RABL2A: variants seen among roughly 807,000 people sequenced by gnomAD.
The protein encoded by RABL2A is rab-like protein 2A.
RABL2A carries 17 observed loss-of-function variants against 30.7 expected under a neutral mutation model. That is an observed-to-expected ratio of 0.55 (90% CI 0.38 to 0.83). The LOEUF (loss-of-function observed/expected upper bound fraction) is 0.83, where lower values mean the gene tolerates loss of function less well. Ranked by LOEUF, RABL2A falls within the 40% of genes least tolerant of loss-of-function variation. The probability of loss-of-function intolerance (pLI) is 0.00; values close to 1 mark genes in which losing one functional copy is unlikely to be tolerated. For synonymous variants in RABL2A, 64 were observed against 101.8 expected, an observed-to-expected ratio of 0.63 and a Z score of 2.24; for missense variants, 155 against 272.6, an observed-to-expected ratio of 0.57 and a Z score of 3.04.
At chr2:113,638,382 G>T in intron 5 of RABL2A, 1 of 985,436 alleles carries the variant, frequency 1.0e-6, no homozygotes, top group Non-Finnish European at 1.2e-6. Context: ...AGCTGTGCCA[G>T]CAGTTACAGG....
chr2:113,630,525 T>C lies in RABL2A; in HGVS notation c.107+1812T>C, dbSNP rs1486858994. Among the ~76,000 whole-genome samples, 7 of 152,214 alleles carry C rather than the reference T, an allele frequency of 4.6e-5. No homozygotes were observed. In the East Asian group the frequency reaches 1.3e-3, roughly 29 times the overall value. On this transcript the variant is annotated intron_variant, in intron 2 of 8. Coordinates refer to ENST00000683472, the MANE Select transcript of RABL2A (RefSeq NM_001306158.2). ...CATCATATCTGAAGGGCGTCAGTTGTACACGGCCTCATTTCTAGATAGCAA... is the reference window on the plus strand; with the variant it reads ...CATCATATCTGAAGGGCGTCAGTTGCACACGGCCTCATTTCTAGATAGCAA...
At chr2:113,640,622 C>T (rs948278772) in intron 5 of RABL2A, 112 of 449,912 alleles carry the variant, frequency 2.5e-4, no homozygotes, top group Non-Finnish European at 2.3e-4. Context: ...GGTGATTGAC[C>T]CGCCTCAACC....
At chr2:113,633,837 G>A (rs1681398251) in intron 3 of RABL2A, 7 of 376,518 alleles carry the variant, frequency 1.9e-5, no homozygotes, top group Non-Finnish European at 4.9e-6. Flanking sequence ...ATTGAGTTGG[G>A]GTATCCACTT....
chr2:113,628,781 A>C (rs1679095525), intron 2 of RABL2A, 68 bp downstream of exon 2: 3 of 764,754 alleles, frequency 3.9e-6, no homozygotes, highest in African/African-American at 3.6e-5. Context: ...AAAGTCCTCC[A>C]GAGGCAGAGG....
intron 5 of RABL2A, among the ~76,000 whole-genome samples, chr2:113,638,864 C>G (rs915769894): frequency 6.6e-6 from 1 of 151,552 alleles, no homozygotes; most frequent in Non-Finnish European, 1.5e-5. Context: ...TGCACTCTAG[C>G]CTGGGCAACA....
At chr2:113,637,602 C>T in intron 5 of RABL2A, 3 of 1,212,666 alleles carry the variant, frequency 2.5e-6, no homozygotes, top group Middle Eastern at 2.8e-4. Flanking sequence ...CCGTTAAGAA[C>T]AAAATCCCTT....
chr2:113,641,143 G>T (rs1398520853), intron 6 of RABL2A, 138 bp downstream of exon 6: 2 of 943,674 alleles, frequency 2.1e-6, no homozygotes, highest in African/African-American at 1.7e-5. Context: ...TTGGTTGGTT[G>T]CTTGCATTCT....
chr2:113,637,310 A>T (rs1559184672), intron 5 of RABL2A: 3 of 986,902 alleles, frequency 3.0e-6, no homozygotes, highest in Admixed American at 1.1e-4. Flanking sequence ...CCCTGCTTCA[A>T]TGCCACCACC....
intron 4 of RABL2A, 122 bp downstream of exon 4, chr2:113,634,354 A>T: frequency 7.6e-7 from 1 of 1,321,728 alleles, no homozygotes; most frequent in Non-Finnish European, 1.0e-6. Flanking sequence ...CCAGGCAGGG[A>T]CAAGGGGTGC....
At chr2:113,641,091 C>T in intron 6 of RABL2A, 86 bp downstream of exon 6, 4 of 1,314,642 alleles carry the variant, frequency 3.0e-6, no homozygotes, top group Non-Finnish European at 4.3e-6. Context: ...GGGCAGGCAA[C>T]CTTCAGTGAT....
At chr2:113,638,427 T>C (rs1574079890) in intron 5 of RABL2A, 1 of 985,360 alleles carries the variant, frequency 1.0e-6, no homozygotes, top group Non-Finnish European at 1.2e-6. Flanking sequence ...CCACTGACTG[T>C]TGTACTAGGG....
At chr2:113,630,206 C>T (rs1679806731) in intron 2 of RABL2A, among the ~76,000 whole-genome samples, 1 of 152,266 alleles carries the variant, frequency 6.6e-6, no homozygotes, top group Admixed American at 6.5e-5. Flanking sequence ...AGCCAGTCTT[C>T]ATCCACTAGC....
In RABL2A at chr2:113,641,322, G is replaced by T. The variant is rs1328281436; in HGVS notation, c.410-31G>T. The T allele has an allele frequency of 9.3e-6, 15 of 1,613,578 alleles. No individual in the cohort carries two copies. In the African/African-American group the frequency reaches 1.2e-4, roughly 13 times the overall value. On this transcript the variant is annotated intron_variant, in intron 6 of 8. Transcript: ENST00000683472. ...CCTCCAAACCTTCTTCCCTTCCCTT[G>T]ACAGACCAATGTCCTACCTTCTCTC...
At chr2:113,638,541 G>A (rs1429609025) in intron 5 of RABL2A, 2 of 985,248 alleles carry the variant, frequency 2.0e-6, no homozygotes, top group African/African-American at 3.5e-5. Context: ...GAGCTGGTTT[G>A]CAGTGCTCAT....
At chr2:113,635,655 C>G (rs793076) in intron 5 of RABL2A, 123,203 of 181,416 alleles carry the variant, frequency 0.68, 43,774 homozygotes, top group African/African-American at 0.92. Context: ...GTCGCTCCAA[C>G]AGAAAAATGC....
chr2:113,639,999 AAAT>A (rs1297128112), intron 5 of RABL2A: 7 of 138,536 alleles, frequency 5.1e-5, no homozygotes, highest in Non-Finnish European at 1.1e-4. Flanking sequence ...ACAAAAAAAA[AAAT>A]AATAAAAAAA....
intron 2 of RABL2A, among the ~76,000 whole-genome samples, chr2:113,629,396 G>A (rs1261042005): frequency 6.6e-6 from 1 of 152,160 alleles, no homozygotes; most frequent in Non-Finnish European, 1.5e-5. Flanking sequence ...TTATAGTCAA[G>A]TCCTTTGACT....
chr2:113,637,401 T>A, intron 5 of RABL2A: 1 of 1,053,520 alleles, frequency 9.5e-7, no homozygotes, highest in Non-Finnish European at 1.2e-6. Context: ...TTCCACAACA[T>A]GGACTGTCTG....
intron 4 of RABL2A, chr2:113,634,729 T>C (rs1159924353): frequency 4.4e-6 from 2 of 452,186 alleles, no homozygotes; most frequent in Non-Finnish European, 8.2e-6. Flanking sequence ...TTGGAATAGT[T>C]TGGAACTTAG....
Sources: gnomAD v4.1 joint callset for allele counts (sites outside exome capture counted in the v4.1 genomes callset) on GRCh38, gnomAD v4.1.1 for gene constraint, MANE v1.5 for transcripts, NCBI Gene and HGNC (gene_info 2026-07-23, HGNC 2026-07-21) for gene names.